ANKRD30A: variants seen among roughly 807,000 people sequenced by gnomAD.
ANKRD30A encodes ankyrin repeat domain-containing protein 30A.
ANKRD30A carries 170 observed loss-of-function variants against 166.3 expected under a neutral mutation model. The ratio of observed to expected loss-of-function variants is 1.02; its 90% CI spans 0.90 to 1.16. The LOEUF (loss-of-function observed/expected upper bound fraction) is 1.16, where lower values mean the gene tolerates loss of function less well. Among genes scored for constraint, ANKRD30A ranks in the 50% most tolerant of loss-of-function variants. The pLI, the probability that ANKRD30A is intolerant of heterozygous loss-of-function variation, is 0.00. For missense variants in ANKRD30A, 1,630 were observed against 1,518.0 expected, an observed-to-expected ratio of 1.07 and a Z score of -1.23; for synonymous variants, 564 against 508.9, an observed-to-expected ratio of 1.11 and a Z score of -1.46.
chr10:37,156,517 C>A (rs1208621328), intron 13 of ANKRD30A, among the ~76,000 whole-genome samples: 2 of 152,152 alleles, frequency 1.3e-5, no homozygotes, highest in East Asian at 3.9e-4. Context: ...ATAAATGGTT[C>A]CTTGATGATG....
intron 31 of ANKRD30A, among the ~76,000 whole-genome samples, chr10:37,209,629 A>G (rs548277710): frequency 2.6e-5 from 4 of 152,246 alleles, no homozygotes; most frequent in African/African-American, 9.6e-5. Context: ...CATCCAAACT[A>G]TGTCATACTT....
At chr10:37,226,998 A>G (rs1843187430) in intron 34 of ANKRD30A, among the ~76,000 whole-genome samples, 1 of 151,630 alleles carries the variant, frequency 6.6e-6, no homozygotes, top group African/African-American at 2.4e-5. Flanking sequence ...TCCTTTGCCC[A>G]TTTTCTAATT....
chr10:37,203,206 C>A (rs1249089370), intron 31 of ANKRD30A, among the ~76,000 whole-genome samples: 7 of 152,192 alleles, frequency 4.6e-5, no homozygotes, highest in Non-Finnish European at 1.0e-4. Flanking sequence ...AGACCAGTAT[C>A]CCTGATGAAC....
chr10:37,211,760 A>G (rs977070213), intron 31 of ANKRD30A, among the ~76,000 whole-genome samples: 3 of 152,136 alleles, frequency 2.0e-5, no homozygotes, highest in Non-Finnish European at 2.9e-5. Context: ...ACAGTGTAAA[A>G]GCATTCCTAT....
At chr10:37,209,975 A>T (rs956720684) in intron 31 of ANKRD30A, among the ~76,000 whole-genome samples, 6 of 151,816 alleles carry the variant, frequency 4.0e-5, no homozygotes, top group African/African-American at 1.2e-4. Context: ...AGGTTTTCTT[A>T]TATTATAATT....
chr10:37,177,464 T>C (rs1279473359), intron 24 of ANKRD30A, among the ~76,000 whole-genome samples: 2 of 146,282 alleles, frequency 1.4e-5, no homozygotes, highest in Non-Finnish European at 1.5e-5. Flanking sequence ...CACGTGAACG[T>C]AAAGATGAGC....
At chr10:37,254,124 A>G in the ANKRD30A span, among the ~76,000 whole-genome samples, 5 of 152,196 alleles carry the variant, frequency 3.3e-5, no homozygotes, top group South Asian at 2.1e-4. Flanking sequence ...GAAAAATGCT[A>G]TGTATTATTT....
At chr10:37,137,035 G>A (rs1452762842) in intron 6 of ANKRD30A, among the ~76,000 whole-genome samples, 3 of 151,866 alleles carry the variant, frequency 2.0e-5, no homozygotes, top group Admixed American at 2.0e-4. Flanking sequence ...TTCCTCAACT[G>A]TCCTAACAAC....
At chr10:37,150,551 G>A (rs954493225) in intron 11 of ANKRD30A, among the ~76,000 whole-genome samples, 2 of 151,902 alleles carry the variant, frequency 1.3e-5, no homozygotes, top group African/African-American at 4.8e-5. Context: ...ATGTGTGCGT[G>A]GTCATATTTA....
intron 25 of ANKRD30A, among the ~76,000 whole-genome samples, chr10:37,191,413 A>G (rs1047866685): frequency 1.8e-4 from 27 of 151,976 alleles, no homozygotes; most frequent in African/African-American, 5.8e-4. Flanking sequence ...CAATGACAGG[A>G]CATATTAAAG....
At chr10:37,160,106 T>C (rs1043775827) in intron 15 of ANKRD30A, among the ~76,000 whole-genome samples, 2 of 152,196 alleles carry the variant, frequency 1.3e-5, no homozygotes, top group African/African-American at 4.8e-5. Context: ...TAGCTCTGCT[T>C]TGATTTAAGG....
intron 13 of ANKRD30A, among the ~76,000 whole-genome samples, chr10:37,155,806 T>G (rs17590624): frequency 0.011 from 1,743 of 152,200 alleles, 17 homozygotes; most frequent in Middle Eastern, 0.034. Context: ...TTCAGGCCAG[T>G]CGTGGTGGCT....
At chr10:37,226,107 A>G (rs1843138222) in intron 34 of ANKRD30A, among the ~76,000 whole-genome samples, 1 of 150,822 alleles carries the variant, frequency 6.6e-6, no homozygotes, top group South Asian at 2.1e-4. Flanking sequence ...TTTTATTTAT[A>G]TATATATATA....
At chr10:37,155,839 T>A (rs1407594036) in intron 13 of ANKRD30A, among the ~76,000 whole-genome samples, 1 of 152,100 alleles carries the variant, frequency 6.6e-6, no homozygotes, top group Non-Finnish European at 1.5e-5. Context: ...TCCAGCACTT[T>A]GGGAGGGCGA....
chr10:37,165,739 A>T (rs1389233729), intron 18 of ANKRD30A, among the ~76,000 whole-genome samples: 1 of 152,112 alleles, frequency 6.6e-6, no homozygotes, highest in Non-Finnish European at 1.5e-5. Context: ...TATAAATTAT[A>T]TTTTCACAAA....
the ANKRD30A span, among the ~76,000 whole-genome samples, chr10:37,259,534 C>A: frequency 6.6e-5 from 10 of 152,110 alleles, no homozygotes; most frequent in South Asian, 2.1e-3. Flanking sequence ...CAAGTGTGTA[C>A]CAAAAGAATG....
At chr10:37,193,431 A>G (rs1444834278) in intron 27 of ANKRD30A, among the ~76,000 whole-genome samples, 173 bp downstream of exon 27, 2 of 152,106 alleles carry the variant, frequency 1.3e-5, no homozygotes, top group East Asian at 3.8e-4. Context: ...TTATAAGCCT[A>G]AGATTTAGAG....
intron 30 of ANKRD30A, 144 bp downstream of exon 30, chr10:37,199,932 A>G: frequency 2.0e-6 from 1 of 503,406 alleles, no homozygotes; most frequent in Non-Finnish European, 3.7e-6. Context: ...CTTAATAGAG[A>G]ATCTATGTGC....
chr10:37,228,874 T>A (rs1843282701), intron 34 of ANKRD30A, among the ~76,000 whole-genome samples: 1 of 152,044 alleles, frequency 6.6e-6, no homozygotes, highest in Non-Finnish European at 1.5e-5. Flanking sequence ...TTTCTTTTTA[T>A]TGTTTCCTAA....
Sources: allele counts gnomAD v4.1 joint callset (sites outside exome capture counted in the v4.1 genomes callset), GRCh38; gene constraint gnomAD v4.1.1; transcripts MANE v1.5; gene names NCBI Gene and HGNC (gene_info 2026-07-23, HGNC 2026-07-21).